The following PCDHGA8 variants were observed in gnomAD, a reference collection of about 807,000 sequenced individuals.
PCDHGA8 encodes protocadherin gamma subfamily A, 8.
In PCDHGA8, 45 loss-of-function variants were observed where a neutral mutation model predicts 59.2. That is an observed-to-expected ratio of 0.76 (90% CI 0.60 to 0.98). PCDHGA8 has a LOEUF of 0.98. Ranked by LOEUF, PCDHGA8 falls within the 50% of genes least tolerant of loss-of-function variation. PCDHGA8 has a pLI of 0.00. For synonymous variants in PCDHGA8, 531 were observed against 519.0 expected, an observed-to-expected ratio of 1.02 and a Z score of -0.32; for missense variants, 1,257 against 1,196.2, an observed-to-expected ratio of 1.05 and a Z score of -0.75.
chr5:141,413,388 C>T (rs765673305), intron 1 of PCDHGA8: 39 of 1,614,012 alleles, frequency 2.4e-5, no homozygotes, highest in Non-Finnish European at 3.2e-5. Context: ...TCCGCATAGT[C>T]TCCAGAGGTA....
intron 1 of PCDHGA8, among the ~76,000 whole-genome samples, chr5:141,434,463 G>A (rs967685246): frequency 5.9e-5 from 9 of 152,192 alleles, no homozygotes; most frequent in Admixed American, 1.3e-4. Flanking sequence ...TGGGTTTACC[G>A]GAATGAGGGC....
Position 141,393,873 on chromosome 5 carries a change from A to G in PCDHGA8, c.1060A>G (p.Ser354Gly), listed in dbSNP as rs759255236. The G allele has an allele frequency of 1.9e-6, 3 of 1,613,916 alleles. No individual in the cohort carries two copies. In the Admixed American group the frequency reaches 5.0e-5, roughly 27 times the overall value. Residue 354 changes from serine (S) to glycine (G), a missense_variant, in exon 1 of 4, where the codon AGC becomes GGC. Coordinates refer to ENST00000398604, the MANE Select transcript of PCDHGA8 (RefSeq NM_032088.2). ...AGAAGTGATCATTACGTCTTTGTTT[A>G]GCCCAGTGTTAGAAAATTCTCTTCC... ...RPEVIITSLF[S>G]PVLENSLPGT...
At chr5:141,404,102 T>C (rs1288980459) in intron 1 of PCDHGA8, 16 of 1,613,462 alleles carry the variant, frequency 9.9e-6, no homozygotes, top group Non-Finnish European at 8.5e-7. Context: ...TCAAGTTGTC[T>C]GTTCTATCCA....
At chr5:141,488,359 T>A (rs1262194591) in intron 1 of PCDHGA8, among the ~76,000 whole-genome samples, 1 of 152,198 alleles carries the variant, frequency 6.6e-6, no homozygotes, top group Non-Finnish European at 1.5e-5. Context: ...ACCCTGTGCA[T>A]CTTTAAGTTG....
Position 141,414,170 on chromosome 5 carries a change from T to C in PCDHGA8, c.2424+18933T>C, listed in dbSNP as rs1411353386. The C allele has an allele frequency of 6.2e-7, 1 of 1,606,208 alleles. No homozygotes were observed. The highest frequency in any genetic ancestry group is 1.7e-5 in the Admixed American group (1 of 58,580). The stretch of plus-strand genomic sequence containing the variant: ...CAAGCAGAAGATGGAGGAGCATATC[T>C]TGCAACTGCAAAAGTGTTGATTACA... On this transcript the variant is annotated intron_variant, in intron 1 of 3. Coordinates refer to ENST00000398604, the MANE Select transcript of PCDHGA8 (RefSeq NM_032088.2).
intron 1 of PCDHGA8, chr5:141,478,633 T>C: frequency 6.4e-7 from 1 of 1,553,032 alleles, no homozygotes; most frequent in Non-Finnish European, 8.7e-7. Context: ...GTTTTTTTAG[T>C]GATGAAGATG....
Position 141,432,581 on chromosome 5 carries a change from C to T in PCDHGA8, c.2424+37344C>T. 6.2e-7 allele frequency: 1 copy of T among 1,613,930 alleles called. No homozygotes were observed. The highest frequency in any genetic ancestry group is 8.5e-7 in the Non-Finnish European group (1 of 1,179,974). On this transcript the variant is annotated intron_variant, in intron 1 of 3. Coordinates refer to ENST00000398604, the MANE Select transcript of PCDHGA8 (RefSeq NM_032088.2). The surrounding 1 kb of genome is among the most constrained non-coding windows in gnomAD (Gnocchi z 6.0). ...CCAGAACGCCTGGCTGTCCTACCGT[C>T]TGCTCAAGGCCAGCGAGCCGGGACT...
At position 141,476,161 on chromosome 5, in the gene PCDHGA8, G is replaced by A. The variant is rs748660112; in HGVS notation, c.2425-18646G>A. 21 of 1,613,012 alleles carry A rather than the reference G, an allele frequency of 1.3e-5. No homozygotes were observed. Among genetic ancestry groups the A allele is most frequent in the Non-Finnish European group, 1.8e-5 (21 of 1,179,922 alleles). On this transcript the variant is annotated intron_variant, in intron 1 of 3. Transcript: ENST00000398604. The surrounding 1 kb of genome is among the most constrained non-coding windows in gnomAD (Gnocchi z 7.6). ...GGAGCGGACTGGTAAGCACCGGGAG[G>A]GTAGTGGGAGTTTTGCTTCTGCTTG... is the stretch of plus-strand genomic sequence containing the variant.
chr5:141,457,959 T>C (rs1426112930), intron 1 of PCDHGA8, among the ~76,000 whole-genome samples: 3 of 152,208 alleles, frequency 2.0e-5, no homozygotes, highest in Admixed American at 2.0e-4. Flanking sequence ...CAAGCTTGAT[T>C]CCTTAAAGGG....
At chr5:141,421,794 G>A in intron 1 of PCDHGA8, 1 of 1,613,788 alleles carries the variant, frequency 6.2e-7, no homozygotes, top group Non-Finnish European at 8.5e-7. Flanking sequence ...GAACGGATGG[G>A]GCCAAGAATC....
intron 1 of PCDHGA8, 29 bp downstream of exon 1, chr5:141,395,266 T>C (rs1369566717): frequency 1.9e-6 from 3 of 1,548,854 alleles, no homozygotes; most frequent in Non-Finnish European, 8.7e-7. Context: ...TTGCTTTTAA[T>C]TTCCAGATGA....
Position 141,491,245 on chromosome 5 carries a change from G to A in PCDHGA8, c.2425-3562G>A, listed in dbSNP as rs1171588507. ...CACAGTGCTGCTGGTTCTGGAGGATGAGGACCCTGAGGAAATGCCCAAATC... is the reference window on the plus strand; with the variant it reads ...CACAGTGCTGCTGGTTCTGGAGGATAAGGACCCTGAGGAAATGCCCAAATC... On this transcript the variant is annotated intron_variant, in intron 1 of 3. Transcript: ENST00000398604. The surrounding 1 kb of genome is among the most constrained non-coding windows in gnomAD (Gnocchi z 6.9). 2 of 1,614,086 alleles carry A rather than the reference G, an allele frequency of 1.2e-6. No individual in the cohort carries two copies. Among genetic ancestry groups the A allele is most frequent in the East Asian group, 4.5e-5 (2 of 44,888 alleles).
At chr5:141,424,928 T>C (rs2096848391) in intron 1 of PCDHGA8, among the ~76,000 whole-genome samples, 1 of 152,204 alleles carries the variant, frequency 6.6e-6, no homozygotes, top group South Asian at 2.1e-4. Flanking sequence ...ATCAATTCAG[T>C]CAACACTCTC....
Position 141,486,098 on chromosome 5 carries a change from G to A in PCDHGA8, c.2425-8709G>A, listed in dbSNP as rs1211678224. ...AAAGCTTACTCTTTTGGGGCCCCTA[G>A]ACTTTGAGAGTGAGAATTACTATGA... On this transcript the variant is annotated intron_variant, in intron 1 of 3. Transcript: ENST00000398604. This position sits in a 1 kb window ranked among gnomAD's most constrained non-coding sequence, Gnocchi z 5.0. 5.0e-6 allele frequency: 8 copies of A among 1,614,032 alleles called. No homozygotes were observed. Among genetic ancestry groups the A allele is most frequent in the Admixed American group, 3.3e-5 (2 of 59,994 alleles).
intron 3 of PCDHGA8, among the ~76,000 whole-genome samples, chr5:141,510,208 G>A (rs560746333): frequency 2.0e-5 from 3 of 151,866 alleles, no homozygotes; most frequent in Admixed American, 1.3e-4. Context: ...AGGAGGCAGA[G>A]GTTGCAGTGA....
At chr5:141,415,475 C>T in intron 1 of PCDHGA8, 1 of 1,614,162 alleles carries the variant, frequency 6.2e-7, no homozygotes, top group Non-Finnish European at 8.5e-7. Flanking sequence ...ACCGCGGACT[C>T]GCGAAAGAGT....
intron 1 of PCDHGA8, among the ~76,000 whole-genome samples, chr5:141,467,397 TAGAA>T (rs1326936900): frequency 6.6e-6 from 1 of 152,106 alleles, no homozygotes; most frequent in Non-Finnish European, 1.5e-5. Flanking sequence ...AAGTCATAGT[TAGAA>T]AGCCTTTCCC....
rs143362044 is a variant in PCDHGA8, at chr5:141,511,092, C to T, written c.2718C>T (p.Asn906=). The T allele has an allele frequency of 4.5e-5, 73 of 1,614,088 alleles. No homozygotes were observed. Among genetic ancestry groups the T allele is most frequent in the Admixed American group, 1.5e-4 (9 of 60,012 alleles). ...YIPGSNATLT[N]AAGKRDGKAP... is the part of the protein sequence containing the mutation. ...CAGGCAGCAATGCCACACTGACCAA[C>T]GCAGCTGGCAAGCGGGATGGCAAGG... The change falls in exon 4 of 4, where the codon AAC becomes AAT. Residue 906 remains asparagine, a synonymous_variant. Coordinates refer to ENST00000398604, the MANE Select transcript of PCDHGA8 (RefSeq NM_032088.2).
chr5:141,415,277 T>A lies in PCDHGA8; in HGVS notation c.2424+20040T>A, dbSNP rs533281226. 42 of 1,614,216 alleles carry A rather than the reference T, an allele frequency of 2.6e-5. No individual in the cohort carries two copies. In the South Asian group the frequency reaches 4.4e-4, roughly 17 times the overall value. On this transcript the variant is annotated intron_variant, in intron 1 of 3. Coordinates refer to ENST00000398604, the MANE Select transcript of PCDHGA8 (RefSeq NM_032088.2). Reference sequence around the variant, plus strand: ...CTCACTCTGTACCTGGTGGTAGCGGTGGCCGCGGTCTCCTGCGTCTTCCTG... The same window carrying A: ...CTCACTCTGTACCTGGTGGTAGCGGAGGCCGCGGTCTCCTGCGTCTTCCTG...
Sources: allele counts gnomAD v4.1 joint callset (sites outside exome capture counted in the v4.1 genomes callset), GRCh38; gene constraint gnomAD v4.1.1; non-coding constraint Gnocchi (gnomAD v3.1); transcripts MANE v1.5; gene names NCBI Gene and HGNC (gene_info 2026-07-23, HGNC 2026-07-21).